Variants in TRAF3IP1 observed in about 807,000 individuals in gnomAD.
TRAF3IP1 encodes the protein intraflagellar transport 54.
TRAF3IP1 carries 53 observed loss-of-function variants against 89.9 expected under a neutral mutation model. That is an observed-to-expected ratio of 0.59 (90% CI 0.47 to 0.74). TRAF3IP1 has a LOEUF of 0.74. Ranked by LOEUF, TRAF3IP1 falls within the 30% of genes least tolerant of loss-of-function variation. The probability of loss-of-function intolerance (pLI) is 0.00; values close to 1 mark genes in which losing one functional copy is unlikely to be tolerated. For synonymous variants in TRAF3IP1, 311 were observed against 322.1 expected (o/e 0.97, Z 0.37); for missense variants, 806 against 866.1 (o/e 0.93, Z 0.87).
At chr2:238,381,205 CAA>C (rs1190503150) in intron 15 of TRAF3IP1, among the ~76,000 whole-genome samples, 1 of 151,024 alleles carries the variant, frequency 6.6e-6, no homozygotes, top group Non-Finnish European at 1.5e-5. Flanking sequence ...AGCTTGAACC[CAA>C]GTTTATCTTC....
Position 238,340,186 on chromosome 2 carries a change from G to A in TRAF3IP1, c.1159+1729G>A, listed in dbSNP as rs534948677. Among the ~76,000 whole-genome samples the A allele has an allele frequency of 8.5e-5, 13 of 152,332 alleles. No individual in the cohort carries two copies. The South Asian group carries it at 2.7e-3, about 32-fold the overall frequency. ...GGTCCTGCCACAGCGCGGACCTGGG[G>A]TCTCTGTCCTCGCAGTTGCAGGTGT... On this transcript the variant is annotated intron_variant, in intron 8 of 16. Transcript: ENST00000373327.
At chr2:238,361,681 C>T (rs968284005) in intron 15 of TRAF3IP1, among the ~76,000 whole-genome samples, 8 of 152,074 alleles carry the variant, frequency 5.3e-5, no homozygotes, top group South Asian at 2.1e-4. Flanking sequence ...CTGGGAAAGC[C>T]TTTCTAAATG....
chr2:238,341,549 A>ATT (rs1559364586), intron 8 of TRAF3IP1, among the ~76,000 whole-genome samples: 31 of 112,978 alleles, frequency 2.7e-4, no homozygotes, highest in African/African-American at 1.2e-3. Context: ...TTTTTTTTAA[A>ATT]AAAAAAACAC....
At chr2:238,348,127 T>G (rs1405131885) in intron 10 of TRAF3IP1, among the ~76,000 whole-genome samples, 1 of 152,128 alleles carries the variant, frequency 6.6e-6, no homozygotes, top group Non-Finnish European at 1.5e-5. Context: ...TGATTAATTC[T>G]TTTTATCAAA....
chr2:238,323,914 G>T (rs1371401536), intron 1 of TRAF3IP1, among the ~76,000 whole-genome samples: 1 of 152,170 alleles, frequency 6.6e-6, no homozygotes, highest in Non-Finnish European at 1.5e-5. Flanking sequence ...AGGAGGTACA[G>T]GTTACCTGAG....
intron 11 of TRAF3IP1, 41 bp from the exon 12 acceptor site, chr2:238,349,284 C>G (rs1473336281): frequency 6.3e-7 from 1 of 1,579,114 alleles, no homozygotes; most frequent in East Asian, 2.2e-5. Context: ...ATGTATAAGC[C>G]TTTCATACTC....
chr2:238,332,369 C>G (rs570362431), intron 5 of TRAF3IP1, among the ~76,000 whole-genome samples: 2 of 152,272 alleles, frequency 1.3e-5, no homozygotes, highest in East Asian at 3.9e-4. Context: ...GAAGCCTTTG[C>G]GTAAAAAGAA....
At chr2:238,381,141 A>ATTTTT (rs148374609) in intron 15 of TRAF3IP1, among the ~76,000 whole-genome samples, 1 of 133,082 alleles carries the variant, frequency 7.5e-6, no homozygotes. Context: ...TTATTTATTT[A>ATTTTT]TTTTTTTTTT....
chr2:238,394,108 A>G (rs1701110468), intron 15 of TRAF3IP1, among the ~76,000 whole-genome samples: 1 of 152,174 alleles, frequency 6.6e-6, no homozygotes, highest in Non-Finnish European at 1.5e-5. Context: ...AGGCAGGAGA[A>G]TCGCTTGAAT....
intron 8 of TRAF3IP1, among the ~76,000 whole-genome samples, chr2:238,343,504 C>T (rs1247638212): frequency 2.0e-5 from 3 of 152,134 alleles, no homozygotes; most frequent in Non-Finnish European, 4.4e-5. Flanking sequence ...GCCTCAGCCT[C>T]CTGGGTAGCT....
chr2:238,394,234 G>A (rs780269933), intron 15 of TRAF3IP1, among the ~76,000 whole-genome samples: 3 of 152,154 alleles, frequency 2.0e-5, no homozygotes, highest in African/African-American at 4.8e-5. Flanking sequence ...GGTTATTTCT[G>A]TCTTTATTCT....
At chr2:238,390,189 CTGTT>C (rs1290850999) in intron 15 of TRAF3IP1, among the ~76,000 whole-genome samples, 1 of 152,202 alleles carries the variant, frequency 6.6e-6, no homozygotes, top group Non-Finnish European at 1.5e-5. Context: ...TGCCACCTCT[CTGTT>C]TGCCTAACTT....
chr2:238,324,673 C>T (rs115799234), intron 1 of TRAF3IP1, among the ~76,000 whole-genome samples: 1,808 of 152,020 alleles, frequency 0.012, 19 homozygotes, highest in Admixed American at 0.032. Flanking sequence ...GGTACGATCT[C>T]GGCTCACTGC....
intron 15 of TRAF3IP1, among the ~76,000 whole-genome samples, chr2:238,388,593 CTT>C (rs752954955): frequency 3.8e-5 from 4 of 104,190 alleles, no homozygotes; most frequent in African/African-American, 6.9e-5. Context: ...AAGAACACAA[CTT>C]TTTTTTTTTT....
At chr2:238,337,011 A>G (rs941860537) in intron 7 of TRAF3IP1, among the ~76,000 whole-genome samples, 2 of 152,024 alleles carry the variant, frequency 1.3e-5, no homozygotes, top group African/African-American at 4.8e-5. Flanking sequence ...CCTGCGCTCT[A>G]GAACACTGCC....
intron 15 of TRAF3IP1, among the ~76,000 whole-genome samples, chr2:238,386,268 G>C (rs1700762866): frequency 6.6e-6 from 1 of 152,104 alleles, no homozygotes; most frequent in Admixed American, 6.6e-5. Context: ...GTTACAGCAG[G>C]CTGTGTCAGC....
At chr2:238,369,128 A>G (rs569576545) in intron 15 of TRAF3IP1, among the ~76,000 whole-genome samples, 150 of 152,336 alleles carry the variant, frequency 9.8e-4, no homozygotes, top group Non-Finnish European at 1.9e-3. Flanking sequence ...TTGTACTACA[A>G]TAAAAGTACT....
At position 238,399,054 on chromosome 2, in the gene TRAF3IP1, A is replaced by G; in HGVS notation, c.*135A>G. The G allele has an allele frequency of 1.3e-6, 1 of 796,764 alleles. No homozygotes were observed. The highest frequency in any genetic ancestry group is 1.9e-6 in the Non-Finnish European group (1 of 530,716). 49.4% of individuals were successfully genotyped at this position (796,764 alleles called of 1,614,324 possible). On this transcript the variant is annotated 3_prime_UTR_variant, in exon 17 of 17. Coordinates refer to ENST00000373327, the MANE Select transcript of TRAF3IP1 (RefSeq NM_015650.4). Reference sequence around the variant, plus strand: ...CAATGTTATTATCCAGCTAATTTTCAGAGCTTTAAAACTGTAAGCATGTTA... The same window carrying G: ...CAATGTTATTATCCAGCTAATTTTCGGAGCTTTAAAACTGTAAGCATGTTA...
chr2:238,349,384 G>A lies in TRAF3IP1; in HGVS notation c.1427G>A (p.Ser476Asn). 6.2e-7 allele frequency: 1 copy of A among 1,614,158 alleles called. No homozygotes were observed. Among genetic ancestry groups the A allele is most frequent in the Non-Finnish European group, 8.5e-7 (1 of 1,180,018 alleles). ...PAPPRVKRQDSMEALQMDRSG... is the reference protein window; with the variant it reads ...PAPPRVKRQDNMEALQMDRSG... ...CCTCCCCGGGTCAAACGGCAAGACA[G>A]CATGGAGGCGCTACAAATGGATAGG... Residue 476 changes from serine (S) to asparagine (N), a missense_variant, in exon 12 of 17, where the codon AGC becomes AAC. Transcript: ENST00000373327.
Sources: allele counts gnomAD v4.1 joint callset (sites outside exome capture counted in the v4.1 genomes callset), GRCh38; gene constraint gnomAD v4.1.1; transcripts MANE v1.5; gene names NCBI Gene and HGNC (gene_info 2026-07-23, HGNC 2026-07-21).